The following AFDN variants were observed in gnomAD, a reference collection of about 807,000 sequenced individuals.
AFDN encodes the protein afadin, adherens junction formation factor, also known as afadin.
AFDN carries 68 observed loss-of-function variants against 216.6 expected under a neutral mutation model. The observed-to-expected ratio is 0.31, with a 90% CI of 0.26 to 0.38. The LOEUF is 0.38. Among genes scored for constraint, AFDN ranks in the 10% least tolerant of loss-of-function variants. The pLI, the probability that AFDN is intolerant of heterozygous loss-of-function variation, is 1.00. For synonymous variants in AFDN, 868 were observed against 853.7 expected (o/e 1.02, Z -0.29); for missense variants, 2,136 against 2,342.0 (o/e 0.91, Z 1.82).
At chr6:167,889,630 C>T (rs984300871) in intron 7 of AFDN, among the ~76,000 whole-genome samples, 3 of 152,144 alleles carry the variant, frequency 2.0e-5, no homozygotes, top group Non-Finnish European at 4.4e-5. Context: ...TGGGGTTTCT[C>T]CATGTGGATG....
At chr6:167,889,359 G>C (rs1199220037) in intron 7 of AFDN, 33 bp downstream of exon 7, 2 of 1,432,650 alleles carry the variant, frequency 1.4e-6, no homozygotes. Context: ...ACTTACACCA[G>C]ATTCCTATGT....
At chr6:167,856,449 A>G (rs1782906750) in intron 1 of AFDN, among the ~76,000 whole-genome samples, 1 of 152,134 alleles carries the variant, frequency 6.6e-6, no homozygotes. Context: ...TTTGAACTAG[A>G]AAAGTGAAGT....
chr6:167,866,195 A>C (rs1247892342), intron 2 of AFDN, among the ~76,000 whole-genome samples: 2 of 151,826 alleles, frequency 1.3e-5, no homozygotes, highest in Admixed American at 6.6e-5. Flanking sequence ...GTAAGATTGG[A>C]GTTTGAGGTC....
intron 23 of AFDN, among the ~76,000 whole-genome samples, chr6:167,935,167 T>A (rs993336848): frequency 6.6e-6 from 1 of 152,138 alleles, no homozygotes; most frequent in African/African-American, 2.4e-5. Context: ...GTTAGTCCCA[T>A]CCCCACTCTG....
chr6:167,917,948 A>G (rs889838419), intron 20 of AFDN, among the ~76,000 whole-genome samples: 2 of 152,254 alleles, frequency 1.3e-5, no homozygotes, highest in Non-Finnish European at 2.9e-5. Flanking sequence ...AGCCCTGTGC[A>G]AAGTGCATAG....
intron 1 of AFDN, among the ~76,000 whole-genome samples, chr6:167,841,367 A>G (rs1014801054): frequency 6.6e-6 from 1 of 152,162 alleles, no homozygotes; most frequent in Non-Finnish European, 1.5e-5. Context: ...GACTACAAGG[A>G]AAAAGTTGTG....
rs1170526924 is a variant in AFDN, at chr6:167,922,886, C to G, written c.2939C>G (p.Ser980Ter). 6.2e-7 allele frequency: 1 copy of G among 1,612,950 alleles called. No individual in the cohort carries two copies. Among genetic ancestry groups the G allele is most frequent in the Admixed American group, 1.7e-5 (1 of 59,824 alleles). The change falls in exon 22 of 34, where the codon TCA (serine) becomes TGA (stop). Residue 980 changes from serine to a stop codon, truncating the protein, a stop_gained. Coordinates refer to ENST00000683244, the MANE Select transcript of AFDN (RefSeq NM_001386888.1). LOFTEE classifies it high-confidence loss of function. ...GFCRLIPHTR[S>*]PGTWTIYFEG... is the part of the protein sequence containing the mutation. ...TGCAGGTTAATTCCTCACACACGTT[C>G]ACCAGGTACTTGGACAATATATTTT...
chr6:167,948,248 T>C (rs971205147), intron 28 of AFDN, 45 bp from the exon 29 acceptor site: 4 of 1,514,834 alleles, frequency 2.6e-6, no homozygotes, highest in Admixed American at 2.0e-5. Flanking sequence ...AGTTAGTCTG[T>C]ATGGTTGTAA....
At chr6:167,946,985 A>G (rs1795341831) in intron 27 of AFDN, 84 bp downstream of exon 27, 1 of 1,201,130 alleles carries the variant, frequency 8.3e-7, no homozygotes, top group Admixed American at 2.5e-5. Flanking sequence ...TTTGTTAATT[A>G]TTAAAATTAT....
intron 23 of AFDN, among the ~76,000 whole-genome samples, chr6:167,941,643 A>AG (rs1283895672): frequency 1.3e-3 from 52 of 41,082 alleles, no homozygotes; most frequent in Admixed American, 2.0e-3. Flanking sequence ...GGACAGACAC[A>AG]GAGGGATGTA....
intron 23 of AFDN, among the ~76,000 whole-genome samples, chr6:167,930,414 T>A (rs905722676): frequency 1.3e-5 from 2 of 152,176 alleles, no homozygotes; most frequent in Non-Finnish European, 2.9e-5. Flanking sequence ...ATGAATTATA[T>A]GGTTGATGGT....
Position 167,951,871 on chromosome 6 carries a change from C to T in AFDN, c.4517C>T (p.Thr1506Ile). The change falls in exon 30 of 34, where the codon ACA becomes ATA. Residue 1506 changes from threonine (T) to isoleucine (I), a missense_variant. Coordinates refer to ENST00000683244, the MANE Select transcript of AFDN (RefSeq NM_001386888.1). The surrounding 1 kb of genome is among the most constrained non-coding windows in gnomAD (Gnocchi z 7.1). ...GAGCGCAGAGACTTGCAGTACATTA[C>T]AGTCAGCAAAGAGGAGCTTTCCTCG... ...TIERRDLQYI[T>I]VSKEELSSGD... The T allele has an allele frequency of 1.2e-6, 2 of 1,614,112 alleles. No individual in the cohort carries two copies. Among genetic ancestry groups the T allele is most frequent in the East Asian group, 2.2e-5 (1 of 44,866 alleles).
chr6:167,832,732 T>C (rs568894016), intron 1 of AFDN, among the ~76,000 whole-genome samples: 2 of 152,344 alleles, frequency 1.3e-5, no homozygotes, highest in East Asian at 3.9e-4. Context: ...TGGAATAGTT[T>C]ACTATGGCTG....
In AFDN at chr6:167,864,732, T is replaced by C; in HGVS notation, c.287T>C (p.Val96Ala). ...TCTCCCAAGTATTCACTCTATGAAG[T>C]GCATGTCAGCGGAGGTCAGTGTATA... The part of the protein sequence containing the change: ...LSSPKYSLYE[V>A]HVSGERRLDI... The change falls in exon 2 of 34, where the codon GTG becomes GCG. Residue 96 changes from valine to alanine, a missense_variant. Physicochemically the swap from Val to Ala is moderately conservative, Grantham distance 64. Coordinates refer to ENST00000683244, the MANE Select transcript of AFDN (RefSeq NM_001386888.1). 1 of 1,614,090 alleles carries C rather than the reference T, an allele frequency of 6.2e-7. No homozygotes were observed. Among genetic ancestry groups the C allele is most frequent in the Non-Finnish European group, 8.5e-7 (1 of 1,179,978 alleles).
chr6:167,919,251 C>T (rs1791491959), intron 21 of AFDN, among the ~76,000 whole-genome samples: 1 of 152,188 alleles, frequency 6.6e-6, no homozygotes, highest in South Asian at 2.1e-4. Context: ...ATTTTATGAG[C>T]GTAGTAGGTT....
chr6:167,935,362 TGCATTGAAGG>T (rs1793861864), intron 23 of AFDN, among the ~76,000 whole-genome samples: 1 of 152,238 alleles, frequency 6.6e-6, no homozygotes, highest in South Asian at 2.1e-4. Flanking sequence ...ACGCTGAAAT[TGCATTGAAGG>T]GCACAAAGGC....
intron 12 of AFDN, among the ~76,000 whole-genome samples, chr6:167,903,921 C>T (rs758380140): frequency 2.0e-5 from 3 of 152,208 alleles, no homozygotes; most frequent in African/African-American, 4.8e-5. Context: ...AGGCCACAAC[C>T]ACGTACTTGA....
At chr6:167,893,023 G>A (rs1264978108) in intron 8 of AFDN, among the ~76,000 whole-genome samples, 3 of 152,162 alleles carry the variant, frequency 2.0e-5, no homozygotes, top group African/African-American at 4.8e-5. Context: ...TCACACAGTG[G>A]GAGGGAATCA....
rs184898956 is a variant in AFDN, at chr6:167,963,638, T to C, written c.4968+1071T>C. Reference sequence around the variant, plus strand: ...GGACACTCACCTCTGTTGAAATTGGTGATTTCTGCATTTTGTAGACCTTTG... The same window carrying C: ...GGACACTCACCTCTGTTGAAATTGGCGATTTCTGCATTTTGTAGACCTTTG... On this transcript the variant is annotated intron_variant, in intron 31 of 33. Coordinates refer to ENST00000683244, the MANE Select transcript of AFDN (RefSeq NM_001386888.1). 7.5e-6 allele frequency: 8 copies of C among 1,059,622 alleles called. 1 individual carries two copies. Among genetic ancestry groups the C allele is most frequent in the Non-Finnish European group, 9.1e-6 (8 of 875,752 alleles). The allele number at this position is 1,059,622 out of a possible 1,614,324, so 65.6% of individuals were successfully genotyped here.
Sources: allele counts gnomAD v4.1 joint callset (sites outside exome capture counted in the v4.1 genomes callset), GRCh38; gene constraint gnomAD v4.1.1; non-coding constraint Gnocchi (gnomAD v3.1); transcripts MANE v1.5; gene names NCBI Gene and HGNC (gene_info 2026-07-23, HGNC 2026-07-21).